The following EPHA7 variants were observed in gnomAD, a reference collection of about 807,000 sequenced individuals.
EPHA7 encodes EPH receptor A7, also known as ephrin type-A receptor 7.
A neutral mutation model predicts 112.6 loss-of-function variants in EPHA7; 25 were observed. The observed-to-expected ratio is 0.22, with a 90% CI of 0.16 to 0.31. The LOEUF (loss-of-function observed/expected upper bound fraction) is 0.31. Ranked by LOEUF, EPHA7 falls within the 10% of genes least tolerant of loss-of-function variation. The pLI is 1.00. For missense variants in EPHA7, 962 were observed against 1,212.6 expected, an observed-to-expected ratio of 0.79 and a Z score of 3.07; for synonymous variants, 437 against 406.5, an observed-to-expected ratio of 1.07 and a Z score of -0.90.
rs1035157337 is a variant in EPHA7 at position 93,282,707 on chromosome 6, C to T, written c.1325-10285G>A. On this transcript the variant is annotated intron_variant, in intron 5 of 16. Transcript: ENST00000369303. ...GCGCTTGCGGGCCAGCGCGAGTTCC[C>T]GGTGGGCGTGGGCTCGGCGGGCCCC... 4.6e-5 allele frequency among the ~76,000 whole-genome samples: 7 copies of T among 152,286 alleles called. No homozygotes were observed. The East Asian group carries it at 7.8e-4, about 17-fold the overall frequency.
intron 5 of EPHA7, among the ~76,000 whole-genome samples, chr6:93,299,502 C>A (rs1029136618): frequency 6.6e-6 from 1 of 151,912 alleles, no homozygotes; most frequent in African/African-American, 2.4e-5. Flanking sequence ...GGCAAGGTTG[C>A]AGAAAAAAGA....
chr6:93,327,761 C>T (rs1462683272), intron 5 of EPHA7, among the ~76,000 whole-genome samples: 4 of 151,596 alleles, frequency 2.6e-5, no homozygotes, highest in East Asian at 1.9e-4. Flanking sequence ...CTAGTGAAAG[C>T]CACCTTCTAG....
intron 5 of EPHA7, among the ~76,000 whole-genome samples, chr6:93,344,344 G>A (rs1157217282): frequency 1.3e-5 from 2 of 151,426 alleles, no homozygotes; most frequent in Admixed American, 1.3e-4. Flanking sequence ...CTATATTTGG[G>A]TTCTTGGTGA....
chr6:93,383,201 A>G (rs775497804), intron 3 of EPHA7, among the ~76,000 whole-genome samples: 2 of 151,560 alleles, frequency 1.3e-5, no homozygotes, highest in South Asian at 2.1e-4. Flanking sequence ...GTGTGTATAT[A>G]TATACATATA....
chr6:93,414,751 A>G lies in EPHA7; in HGVS notation c.114T>C (p.Ser38=), dbSNP rs778907796. ...ACTCCAACTCTGTTTGTTGTGCTTT[A>G]GAATCCAGCAGTAGTACTGAAAAAG... is the stretch of plus-strand genomic sequence containing the variant. The part of the protein sequence containing the change: ...QAAKEVLLLD[S]KAQQTELEWI... The change falls in exon 2 of 17, where the codon TCT becomes TCC. Residue 38 remains serine (S), a synonymous_variant. Transcript: ENST00000369303. 1 of 1,612,650 alleles carries G rather than the reference A, an allele frequency of 6.2e-7. No homozygotes were observed. Among genetic ancestry groups the G allele is most frequent in the Non-Finnish European group, 8.5e-7 (1 of 1,179,124 alleles).
intron 5 of EPHA7, among the ~76,000 whole-genome samples, chr6:93,334,780 C>T (rs764410032): frequency 6.6e-6 from 1 of 152,034 alleles, no homozygotes; most frequent in Non-Finnish European, 1.5e-5. Context: ...ACGAGTGATG[C>T]AAATCCATTT....
At chr6:93,298,610 C>T (rs1772799378) in intron 5 of EPHA7, among the ~76,000 whole-genome samples, 1 of 152,162 alleles carries the variant, frequency 6.6e-6, no homozygotes, top group Admixed American at 6.5e-5. Flanking sequence ...ACTACATACA[C>T]TGCCAATAAG....
At chr6:93,387,442 T>G (rs186182105) in intron 3 of EPHA7, among the ~76,000 whole-genome samples, 5 of 152,268 alleles carry the variant, frequency 3.3e-5, no homozygotes, top group Admixed American at 1.3e-4. Flanking sequence ...TCTTCCTGTC[T>G]TCTGAGCCCT....
At chr6:93,247,295 C>T (rs974111264) in intron 14 of EPHA7, among the ~76,000 whole-genome samples, 36 of 152,124 alleles carry the variant, frequency 2.4e-4, no homozygotes, top group Non-Finnish European at 1.2e-4. Context: ...TGTTATGGAA[C>T]TATCTTACTT....
At chr6:93,328,474 T>C (rs1381003155) in intron 5 of EPHA7, among the ~76,000 whole-genome samples, 3 of 151,446 alleles carry the variant, frequency 2.0e-5, no homozygotes, top group Non-Finnish European at 4.4e-5. Flanking sequence ...GGAAAACATT[T>C]CACTGGTGAC....
chr6:93,338,927 T>C (rs1015770015), intron 5 of EPHA7, among the ~76,000 whole-genome samples: 2 of 149,800 alleles, frequency 1.3e-5, no homozygotes, highest in African/African-American at 4.9e-5. Context: ...TCCTTATAGC[T>C]ATATCTATAT....
chr6:93,328,185 G>T (rs1774415493), intron 5 of EPHA7, among the ~76,000 whole-genome samples: 2 of 151,410 alleles, frequency 1.3e-5, no homozygotes, highest in African/African-American at 4.8e-5. Flanking sequence ...TTCCAATAAA[G>T]CCTTTCCTGG....
intron 9 of EPHA7, among the ~76,000 whole-genome samples, chr6:93,259,711 C>T (rs1001986216): frequency 5.9e-5 from 9 of 151,958 alleles, no homozygotes; most frequent in African/African-American, 1.7e-4. Context: ...AATTGCTTTT[C>T]CAGTAAATCA....
At chr6:93,327,533 T>C (rs901754669) in intron 5 of EPHA7, among the ~76,000 whole-genome samples, 10 of 151,442 alleles carry the variant, frequency 6.6e-5, no homozygotes, top group African/African-American at 2.2e-4. Context: ...AGAAACTGAG[T>C]TCCTAAACTT....
intron 3 of EPHA7, among the ~76,000 whole-genome samples, chr6:93,391,836 A>G (rs2127981578): frequency 6.6e-6 from 1 of 151,914 alleles, no homozygotes; most frequent in Non-Finnish European, 1.5e-5. Context: ...CCTTCCAATT[A>G]CCTAAAAATA....
At chr6:93,292,439 T>C (rs1290574815) in intron 5 of EPHA7, among the ~76,000 whole-genome samples, 2 of 152,068 alleles carry the variant, frequency 1.3e-5, no homozygotes, top group Non-Finnish European at 2.9e-5. Flanking sequence ...ATGGGAAACC[T>C]GATGATTTAG....
chr6:93,302,195 T>C (rs1013151021), intron 5 of EPHA7, among the ~76,000 whole-genome samples: 1 of 152,158 alleles, frequency 6.6e-6, no homozygotes, highest in African/African-American at 2.4e-5. Flanking sequence ...GTGACTTCTG[T>C]CCCTCCAAGC....
intron 8 of EPHA7, 21 bp from the exon 9 acceptor site, chr6:93,263,936 G>A (rs1770808496): frequency 6.3e-7 from 1 of 1,596,830 alleles, no homozygotes; most frequent in Non-Finnish European, 8.6e-7. Flanking sequence ...GCAAATTTGT[G>A]ACAATCTCAG....
chr6:93,413,472 T>C (rs1562170151), intron 2 of EPHA7, among the ~76,000 whole-genome samples: 1 of 151,916 alleles, frequency 6.6e-6, no homozygotes, highest in Non-Finnish European at 1.5e-5. Flanking sequence ...TGGTAGAAAA[T>C]GGGCTACATC....
Sources: gnomAD v4.1 joint callset for allele counts (sites outside exome capture counted in the v4.1 genomes callset) on GRCh38, gnomAD v4.1.1 for gene constraint, MANE v1.5 for transcripts, NCBI Gene and HGNC (gene_info 2026-07-23, HGNC 2026-07-21) for gene names.